TCF7L1: variants seen among roughly 807,000 people sequenced by gnomAD.
The protein encoded by TCF7L1 is transcription factor 7-like 1.
A neutral mutation model predicts 63.7 loss-of-function variants in TCF7L1; 18 were observed. The observed-to-expected ratio is 0.28, with a 90% CI of 0.20 to 0.42. The LOEUF (loss-of-function observed/expected upper bound fraction) is 0.42. Among genes scored for constraint, TCF7L1 ranks in the 10% least tolerant of loss-of-function variants. The pLI, the probability that TCF7L1 is intolerant of heterozygous loss-of-function variation, is 1.00. For synonymous variants in TCF7L1, 355 were observed against 340.9 expected (o/e 1.04, Z -0.46); for missense variants, 654 against 779.3 (o/e 0.84, Z 1.91).
At chr2:85,152,043 T>C (rs972070940) in intron 3 of TCF7L1, among the ~76,000 whole-genome samples, 1 of 152,240 alleles carries the variant, frequency 6.6e-6, no homozygotes, top group African/African-American at 2.4e-5. Flanking sequence ...GCAATTATTA[T>C]CCTTATTGAT....
intron 3 of TCF7L1, chr2:85,167,355 T>C (rs1678444415): frequency 6.6e-6 from 1 of 152,124 alleles, no homozygotes; most frequent in African/African-American, 2.4e-5. Flanking sequence ...AAAAATTAAT[T>C]AAAAATTAAA....
At chr2:85,255,423 G>A (rs1680691297) in intron 3 of TCF7L1, among the ~76,000 whole-genome samples, 1 of 152,306 alleles carries the variant, frequency 6.6e-6, no homozygotes, top group South Asian at 2.1e-4. Context: ...CTGCACACAA[G>A]GGAATAGGAA....
At chr2:85,293,060 A>ATGTC (rs1327870223) in intron 4 of TCF7L1, among the ~76,000 whole-genome samples, 1 of 152,218 alleles carries the variant, frequency 6.6e-6, no homozygotes, top group South Asian at 2.1e-4. Context: ...TATCCAGGTC[A>ATGTC]TGTCCTTCTC....
At chr2:85,303,694 A>C in intron 5 of TCF7L1, 1 of 461,742 alleles carries the variant, frequency 2.2e-6, no homozygotes, top group South Asian at 5.2e-5. Context: ...GAGGGGGTGC[A>C]TTAGTCCTGC....
In TCF7L1 at chr2:85,289,550, GA is replaced by G. The variant is rs1376572312; in HGVS notation, c.525+5973del. On this transcript the variant is annotated intron_variant, in intron 4 of 11. Transcript: ENST00000282111. ...GAGTTGAGGGATAGAGGAAGGTGTAGAGAAAAATCTAGATGAGGTTAGTGCA... is the reference window on the plus strand; with the variant it reads ...GAGTTGAGGGATAGAGGAAGGTGTAGGAAAAATCTAGATGAGGTTAGTGCA... Among the ~76,000 whole-genome samples the G allele has an allele frequency of 1.8e-4, 27 of 152,330 alleles. No individual in the cohort carries two copies. In the East Asian group the frequency reaches 5.2e-3, roughly 29 times the overall value.
chr2:85,173,146 C>T (rs558428246), intron 3 of TCF7L1, among the ~76,000 whole-genome samples: 25 of 152,338 alleles, frequency 1.6e-4, no homozygotes, highest in African/African-American at 6.0e-4. Flanking sequence ...ATATTCCTTT[C>T]AAAAGGAAAA....
chr2:85,148,394 G>T (rs938771490), intron 3 of TCF7L1, among the ~76,000 whole-genome samples: 1 of 152,088 alleles, frequency 6.6e-6, no homozygotes, highest in African/African-American at 2.4e-5. Flanking sequence ...AGTGTGTCTA[G>T]GGGGGTCTGG....
intron 3 of TCF7L1, among the ~76,000 whole-genome samples, chr2:85,173,133 T>G (rs1201360088): frequency 6.6e-6 from 1 of 152,226 alleles, no homozygotes; most frequent in Non-Finnish European, 1.5e-5. Flanking sequence ...ACTTGCCAAA[T>G]AAATATTCCT....
At chr2:85,210,615 G>T (rs1413547806) in intron 3 of TCF7L1, among the ~76,000 whole-genome samples, 1 of 152,228 alleles carries the variant, frequency 6.6e-6, no homozygotes, top group Non-Finnish European at 1.5e-5. Flanking sequence ...CAACAGTGCG[G>T]AGGGAGGGCT....
chr2:85,171,650 A>G (rs1280903513), intron 3 of TCF7L1, among the ~76,000 whole-genome samples: 1 of 152,188 alleles, frequency 6.6e-6, no homozygotes, highest in Non-Finnish European at 1.5e-5. Context: ...GAAATAGTTG[A>G]TGGTTAGCAA....
At chr2:85,186,689 T>A (rs1281430974) in intron 3 of TCF7L1, 1 of 152,248 alleles carries the variant, frequency 6.6e-6, no homozygotes, top group African/African-American at 2.4e-5. Flanking sequence ...TATCCCATTC[T>A]TCAACCATGC....
intron 3 of TCF7L1, among the ~76,000 whole-genome samples, chr2:85,212,217 C>A (rs1679569988): frequency 6.6e-6 from 1 of 152,050 alleles, no homozygotes; most frequent in Non-Finnish European, 1.5e-5. Flanking sequence ...GGGCTGTGGC[C>A]ACCCCTCCTG....
chr2:85,143,221 A>G (rs989176769), intron 3 of TCF7L1, among the ~76,000 whole-genome samples: 4 of 152,242 alleles, frequency 2.6e-5, no homozygotes, highest in Non-Finnish European at 5.9e-5. Flanking sequence ...TGTTCACCCT[A>G]ATTGTAGAAA....
At chr2:85,169,869 C>T (rs1460307493) in intron 3 of TCF7L1, among the ~76,000 whole-genome samples, 1 of 152,182 alleles carries the variant, frequency 6.6e-6, no homozygotes, top group Admixed American at 6.5e-5. Context: ...GCCTGGAATG[C>T]AAGGGCCTGG....
chr2:85,290,660 A>G (rs72840047), intron 4 of TCF7L1, among the ~76,000 whole-genome samples: 12,431 of 152,248 alleles, frequency 0.082, 972 homozygotes, highest in African/African-American at 0.21. Flanking sequence ...GTTCTGTGTT[A>G]GGGTTCTCCA....
At chr2:85,200,468 GGAAGA>G (rs1384117321) in intron 3 of TCF7L1, among the ~76,000 whole-genome samples, 13 of 152,184 alleles carry the variant, frequency 8.5e-5, no homozygotes, top group Non-Finnish European at 1.0e-4. Flanking sequence ...AAAACCATAA[GGAAGA>G]GAAAATACTG....
intron 3 of TCF7L1, among the ~76,000 whole-genome samples, chr2:85,231,050 T>C (rs1281852053): frequency 1.3e-5 from 2 of 152,196 alleles, no homozygotes; most frequent in Non-Finnish European, 2.9e-5. Context: ...AGAAACATTA[T>C]AGGGTACTTG....
At chr2:85,209,794 A>G (rs1679503906) in intron 3 of TCF7L1, among the ~76,000 whole-genome samples, 1 of 152,174 alleles carries the variant, frequency 6.6e-6, no homozygotes, top group Non-Finnish European at 1.5e-5. Flanking sequence ...CAGCTATTGC[A>G]TTTCCTGATT....
intron 3 of TCF7L1, among the ~76,000 whole-genome samples, chr2:85,182,460 T>C (rs919133868): frequency 6.6e-6 from 1 of 152,208 alleles, no homozygotes; most frequent in East Asian, 1.9e-4. Context: ...TCACCCATTG[T>C]AGCATACCAG....
Sources: allele counts gnomAD v4.1 joint callset (sites outside exome capture counted in the v4.1 genomes callset), GRCh38; gene constraint gnomAD v4.1.1; transcripts MANE v1.5; gene names NCBI Gene and HGNC (gene_info 2026-07-23, HGNC 2026-07-21).